Variants in ARAF observed in about 807,000 individuals in gnomAD.
ARAF encodes the protein serine/threonine-protein kinase A-Raf.
Under a neutral mutation model 48.0 loss-of-function variants are expected in ARAF, and 18 were observed. That is an observed-to-expected ratio of 0.37 (90% CI 0.26 to 0.56). The LOEUF (loss-of-function observed/expected upper bound fraction) is 0.56, where lower values mean the gene tolerates loss of function less well. Among genes scored for constraint, ARAF ranks in the 20% least tolerant of loss-of-function variants. ARAF has a pLI of 0.77. For missense variants in ARAF, 389 were observed against 543.1 expected, an observed-to-expected ratio of 0.72 and a Z score of 2.82; for synonymous variants, 207 against 220.1, an observed-to-expected ratio of 0.94 and a Z score of 0.53.
At chrX:47,567,830 T>C (rs2057740036) in intron 10 of ARAF, among the ~76,000 whole-genome samples, 1 of 111,148 alleles carries the variant, frequency 9.0e-6, no homozygotes, top group Admixed American at 9.6e-5. Context: ...TATTCATTAA[T>C]TCTAATACCT....
At chrX:47,561,653 C>T (rs1371098318) in intron 1 of ARAF, among the ~76,000 whole-genome samples, 1 of 109,589 alleles carries the variant, frequency 9.1e-6, no homozygotes, top group Non-Finnish European at 1.9e-5. Flanking sequence ...GGATCAGTGT[C>T]TGACCGCCCC....
Position 47,566,737 on chromosome X carries a change from A to G in ARAF, c.656A>G (p.His219Arg), listed in dbSNP as rs1217509562. The G allele has an allele frequency of 8.3e-7, 1 of 1,209,263 alleles. No homozygotes were observed. Residue 219 changes from histidine to arginine, a missense_variant, in exon 7 of 16, where the codon CAT becomes CGT. Coordinates refer to ENST00000377045, the MANE Select transcript of ARAF (RefSeq NM_001654.5). ...CGCTCCACGTCCACTCCCAACGTCC[A>G]TATGGTCAGCACCACGGCCCCCATG... Reference protein sequence around the residue: ...RIRSTSTPNVHMVSTTAPMDS... With the variant: ...RIRSTSTPNVRMVSTTAPMDS...
chrX:47,567,496 G>A, intron 10 of ARAF, 64 bp downstream of exon 10: 2 of 1,097,558 alleles, frequency 1.8e-6, no homozygotes, highest in Non-Finnish European at 2.5e-6. Context: ...TCTGGGAAAA[G>A]GCCATGCTTG....
rs1212825155 is a variant in ARAF, at chrX:47,569,541, A to G, written c.1303A>G (p.Ile435Val). 1.7e-6 allele frequency: 2 copies of G among 1,206,155 alleles called. No individual in the cohort carries two copies. Among genetic ancestry groups the G allele is most frequent in the African/African-American group, 3.5e-5 (2 of 57,717 alleles). ...IIHRDLKSNN[I>V]FLHEGLTVKI... ...GTAGTGGTCCTTGACCCTGGCGGAC[A>G]TCTTCCTACATGAGGGGCTCACGGT... The change falls in exon 13 of 16, where the codon ATC becomes GTC. Residue 435 changes from isoleucine to valine, a missense_variant and splice_region_variant. Ile to Val is a conservative substitution (Grantham distance 29). Coordinates refer to ENST00000377045, the MANE Select transcript of ARAF (RefSeq NM_001654.5).
intron 12 of ARAF, 180 bp from the exon 13 acceptor site, chrX:47,569,359 T>TG: frequency 4.2e-6 from 2 of 477,728 alleles, no homozygotes; most frequent in African/African-American, 2.4e-5. Context: ...GGGCTGAGTG[T>TG]GGGGGGCATT....
In ARAF at chrX:47,571,466, C is replaced by T; in HGVS notation, c.*9C>T. The stretch of plus-strand genomic sequence containing the variant: ...CCCGCCTTGTGCCTTAGGCCCCGCC[C>T]AAGCCACCAGGGAGCCAATCTCAGC... On this transcript the variant is annotated 3_prime_UTR_variant, in exon 16 of 16. Transcript: ENST00000377045. 1 of 1,198,357 alleles carries T rather than the reference C, an allele frequency of 8.3e-7. No homozygotes were observed.
At chrX:47,561,904 A>G (rs1348397105) in intron 1 of ARAF, among the ~76,000 whole-genome samples, 2 of 86,668 alleles carry the variant, frequency 2.3e-5, no homozygotes, top group Admixed American at 2.6e-4. Context: ...TTCCATTTCC[A>G]CCCTTCTCCC....
chrX:47,566,191 A>G (rs1006792090), intron 6 of ARAF, among the ~76,000 whole-genome samples: 4 of 111,744 alleles, frequency 3.6e-5, no homozygotes, highest in African/African-American at 1.3e-4. Flanking sequence ...TAATTATAAT[A>G]TATAATTATA....
rs1044633348 is a variant in ARAF at position 47,571,869 on chromosome X, CCT to C, written c.*417_*418del. On this transcript the variant is annotated 3_prime_UTR_variant, in exon 16 of 16. Transcript: ENST00000377045. ...GTGTCTCCCCCGCCATTCAAGGACTCCTCTCTTTCTTCACCAAGAAGCACAGA... is the reference window on the plus strand; with the variant it reads ...GTGTCTCCCCCGCCATTCAAGGACTCCTCTTTCTTCACCAAGAAGCACAGA... 1.1e-5 allele frequency: 2 copies of C among 187,354 alleles called. No homozygotes were observed. The highest frequency in any genetic ancestry group is 2.0e-5 in the Non-Finnish European group (2 of 101,533). The allele number at this position is 187,354 out of a possible 1,213,427, so 15.4% of individuals were successfully genotyped here. A position where few individuals can be genotyped will look rare whatever the true frequency, so the allele number is the denominator to read the frequency against.
Position 47,571,430 on chromosome X carries a change from A to G in ARAF, c.1794A>G (p.Leu598=). ...AGGCCGATGAGTTGCCTGCCTGCCT[A>G]CTCAGCGCAGCCCGCCTTGTGCCTT... ...RTQADELPAC[L]LSAARLVP Residue 598 remains leucine (L), a synonymous_variant, in exon 16 of 16, where the codon CTA becomes CTG. Coordinates refer to ENST00000377045, the MANE Select transcript of ARAF (RefSeq NM_001654.5). 1 of 1,206,626 alleles carries G rather than the reference A, an allele frequency of 8.3e-7. No homozygotes were observed. Among genetic ancestry groups the G allele is most frequent in the Non-Finnish European group, 1.1e-6 (1 of 893,184 alleles).
At chrX:47,570,772 C>G in intron 14 of ARAF, 106 bp from the exon 15 acceptor site, 1 of 815,396 alleles carries the variant, frequency 1.2e-6, no homozygotes. Flanking sequence ...CTGACAGTAC[C>G]CCAGCTCGCT....
At chrX:47,562,807 G>C in intron 1 of ARAF, 102 bp from the exon 2 acceptor site, 2 of 444,474 alleles carry the variant, frequency 4.5e-6, no homozygotes, top group Non-Finnish European at 7.8e-6. Context: ...TAGGCTGCAG[G>C]GGGCGACAGG....
chrX:47,570,996 G>A lies in ARAF; in HGVS notation c.1670G>A (p.Arg557Gln). Residue 557 changes from arginine (R) to glutamine (Q), a missense_variant, in exon 15 of 16, where the codon CGG (arginine) becomes CAG (glutamine). By Grantham distance (43) the Arg-to-Gln change is conservative. Transcript: ENST00000377045. ...TGCCTCAAGTTCCAGCGGGAGGAGC[G>A]GCCCCTCTTCCCCCAGGTGGGCTGG... Reference protein sequence around the residue: ...SDCLKFQREERPLFPQILATI... With the variant: ...SDCLKFQREEQPLFPQILATI... 1 of 1,211,426 alleles carries A rather than the reference G, an allele frequency of 8.3e-7. No homozygotes were observed. The highest frequency in any genetic ancestry group is 1.1e-6 in the Non-Finnish European group (1 of 895,184).
chrX:47,570,094 C>T (rs2057749211), intron 14 of ARAF, 70 bp downstream of exon 14: 1 of 1,133,721 alleles, frequency 8.8e-7, no homozygotes, highest in Admixed American at 2.3e-5. Flanking sequence ...CCCCACATCC[C>T]CTCCTTTGCA....
At chrX:47,564,014 G>A (rs773133805) in intron 3 of ARAF, among the ~76,000 whole-genome samples, 3 of 112,071 alleles carry the variant, frequency 2.7e-5, no homozygotes, top group Admixed American at 9.4e-5. Flanking sequence ...ATTTCATCAC[G>A]CTACTCAGAA....
rs2057734510 is a variant in ARAF, at chrX:47,566,719, C to T, written c.638C>T (p.Thr213Met). 2 of 1,205,787 alleles carry T rather than the reference C, an allele frequency of 1.7e-6. No homozygotes were observed. Among genetic ancestry groups the T allele is most frequent in the Non-Finnish European group, 2.2e-6 (2 of 893,234 alleles). Residue 213 changes from threonine to methionine, a missense_variant, in exon 7 of 16, where the codon ACG becomes ATG. Thr to Met is a moderately conservative substitution (Grantham distance 81, BLOSUM62 -1). Coordinates refer to ENST00000377045, the MANE Select transcript of ARAF (RefSeq NM_001654.5). ...ANAPLQRIRS[T>M]STPNVHMVST... ...GCCCCCCTACAGCGCATCCGCTCCA[C>T]GTCCACTCCCAACGTCCATATGGTC...
At position 47,569,467 on chromosome X, in the gene ARAF, A is replaced by C. The variant is rs2057746254; in HGVS notation, c.1301-72A>C. Reference sequence around the variant, plus strand: ...GAGGGATGAGTGGTATAGGGGCACCAATGGGAACCTCCCAGGCAGGGTGAG... The same window carrying C: ...GAGGGATGAGTGGTATAGGGGCACCCATGGGAACCTCCCAGGCAGGGTGAG... On this transcript the variant is annotated intron_variant, in intron 12 of 15. Coordinates refer to ENST00000377045, the MANE Select transcript of ARAF (RefSeq NM_001654.5). 3.3e-6 allele frequency: 3 copies of C among 902,646 alleles called. No homozygotes were observed. The East Asian group carries it at 9.6e-5, about 29-fold the overall frequency. The allele number at this position is 902,646 out of a possible 1,213,427, so 74.4% of individuals were successfully genotyped here.
At chrX:47,570,794 T>C in intron 14 of ARAF, 84 bp from the exon 15 acceptor site, 1 of 1,029,131 alleles carries the variant, frequency 9.7e-7, no homozygotes, top group African/African-American at 1.9e-5. Context: ...AAAATGAACC[T>C]TCCAAGTCCC....
Position 47,570,995 on chromosome X carries a change from C to T in ARAF, c.1669C>T (p.Arg557Trp), listed in dbSNP as rs767525192. Residue 557 changes from arginine to tryptophan, a missense_variant, in exon 15 of 16, where the codon CGG becomes TGG. Around this residue, in one of 4 missense-constraint regions of ARAF, gnomAD observed 170 missense variants for 281.4 expected, o/e 0.60. Coordinates refer to ENST00000377045, the MANE Select transcript of ARAF (RefSeq NM_001654.5). ...SDCLKFQREE[R>W]PLFPQILATI... is the part of the protein sequence containing the mutation. ...CTGCCTCAAGTTCCAGCGGGAGGAG[C>T]GGCCCCTCTTCCCCCAGGTGGGCTG... 2 of 1,210,052 alleles carry T rather than the reference C, an allele frequency of 1.7e-6. No homozygotes were observed. The highest frequency in any genetic ancestry group is 1.1e-6 in the Non-Finnish European group (1 of 894,874).
Sources: gnomAD v4.1 joint callset for allele counts (sites outside exome capture counted in the v4.1 genomes callset) on GRCh38, gnomAD v4.1.1 for gene constraint, gnomAD v4.1.1 regional missense constraint, MANE v1.5 for transcripts, NCBI Gene and HGNC (gene_info 2026-07-23, HGNC 2026-07-21) for gene names.